The following DPF3 variants were observed in gnomAD, a reference collection of about 807,000 sequenced individuals.
DPF3 encodes double PHD fingers 3, also known as zinc finger protein DPF3.
In DPF3, 18 loss-of-function variants were observed where a neutral mutation model predicts 56.8. The observed-to-expected ratio is 0.32, with a 90% CI of 0.22 to 0.47. DPF3 has a LOEUF of 0.47. DPF3 is among the 20% of genes least tolerant of loss of function. DPF3 has a pLI of 1.00. For synonymous variants in DPF3, 188 were observed against 180.2 expected, an observed-to-expected ratio of 1.04 and a Z score of -0.35; for missense variants, 403 against 488.8, an observed-to-expected ratio of 0.82 and a Z score of 1.65.
In DPF3 at chr14:72,610,794, G is replaced by C. The variant is rs557290215; in HGVS notation, c.*8503C>G. On this transcript the variant is annotated 3_prime_UTR_variant, in exon 11 of 11. Transcript: ENST00000556509. ...TCATCCCTCAAGGAGCTGGGGACCT[G>C]AGGGCTCAGGGCCCACCACTGGCTG... Among the ~76,000 whole-genome samples the C allele has an allele frequency of 2.0e-5, 3 of 152,308 alleles. No individual in the cohort carries two copies. In the South Asian group the frequency reaches 6.2e-4, roughly 32 times the overall value.
chr14:72,840,632 T>TA (rs1884507464), intron 1 of DPF3, among the ~76,000 whole-genome samples: 1 of 152,246 alleles, frequency 6.6e-6, no homozygotes, highest in African/African-American at 2.4e-5. Context: ...CCTCTTTTTT[T>TA]ATTCTACCAT....
chr14:72,758,419 G>T (rs773420188), intron 2 of DPF3, among the ~76,000 whole-genome samples: 1 of 152,176 alleles, frequency 6.6e-6, no homozygotes, highest in African/African-American at 2.4e-5. Context: ...CCACGTTTGA[G>T]TTGAAGAGAA....
At chr14:72,799,137 C>T (rs1302251504) in intron 1 of DPF3, among the ~76,000 whole-genome samples, 9 of 152,172 alleles carry the variant, frequency 5.9e-5, no homozygotes, top group East Asian at 1.9e-4. Context: ...TGGCCGTGCT[C>T]AGGGCTCTGG....
chr14:72,714,399 A>G (rs1054839160), intron 6 of DPF3, 24 bp downstream of exon 6: 4 of 1,612,172 alleles, frequency 2.5e-6, no homozygotes. Flanking sequence ...GGGAGGAAGG[A>G]AGGTGGGACC....
At chr14:72,789,341 C>T (rs1892335952) in intron 1 of DPF3, among the ~76,000 whole-genome samples, 1 of 152,180 alleles carries the variant, frequency 6.6e-6, no homozygotes, top group Admixed American at 6.5e-5. Context: ...CAGCTTCAGT[C>T]ACAGGCCCAC....
chr14:72,893,976 G>A, intron 1 of DPF3, 81 bp downstream of exon 1: 2 of 1,555,580 alleles, frequency 1.3e-6, no homozygotes, highest in East Asian at 2.3e-5. Flanking sequence ...GCAATGCTCT[G>A]GCAGCGCTCG....
At chr14:72,790,661 T>C (rs1490530843) in intron 1 of DPF3, among the ~76,000 whole-genome samples, 1 of 152,050 alleles carries the variant, frequency 6.6e-6, no homozygotes, top group African/African-American at 2.4e-5. Context: ...CATACAGAAA[T>C]AGGGTAAGAC....
intron 2 of DPF3, among the ~76,000 whole-genome samples, chr14:72,758,486 A>G (rs187079818): frequency 1.3e-4 from 20 of 152,330 alleles, no homozygotes; most frequent in African/African-American, 4.8e-4. Flanking sequence ...TGAAGGGTAA[A>G]CAAAAGAGAG....
At chr14:72,686,571 C>A (rs143717395) in intron 7 of DPF3, among the ~76,000 whole-genome samples, 28 of 152,182 alleles carry the variant, frequency 1.8e-4, no homozygotes, top group Non-Finnish European at 2.5e-4. Context: ...ATGTAGATGA[C>A]CTTTGAGGCC....
chr14:72,768,994 T>C (rs1222680023), intron 2 of DPF3, among the ~76,000 whole-genome samples: 1 of 151,294 alleles, frequency 6.6e-6, no homozygotes, highest in African/African-American at 2.4e-5. Context: ...AATAAGTAAT[T>C]ACATCAATAT....
chr14:72,637,402 C>A (rs1004584651), intron 8 of DPF3, among the ~76,000 whole-genome samples: 3 of 152,272 alleles, frequency 2.0e-5, no homozygotes, highest in East Asian at 1.9e-4. Flanking sequence ...TAGTAATGAC[C>A]CCAAAGCCCC....
intron 1 of DPF3, chr14:72,879,823 C>G: frequency 6.5e-7 from 1 of 1,535,592 alleles, no homozygotes. Flanking sequence ...CATGGGCCTC[C>G]AGGGCATCCA....
chr14:72,636,478 C>T (rs1885386472), intron 8 of DPF3, among the ~76,000 whole-genome samples: 1 of 152,148 alleles, frequency 6.6e-6, no homozygotes, highest in African/African-American at 2.4e-5. Context: ...TCTCTCTCTG[C>T]CCCATTCCCT....
At chr14:72,685,223 C>A (rs1887358521) in intron 7 of DPF3, among the ~76,000 whole-genome samples, 1 of 152,200 alleles carries the variant, frequency 6.6e-6, no homozygotes, top group Non-Finnish European at 1.5e-5. Flanking sequence ...ATCGGTAGGA[C>A]CATGACAAAG....
intron 8 of DPF3, among the ~76,000 whole-genome samples, chr14:72,649,928 C>G (rs950272399): frequency 9.9e-5 from 15 of 152,186 alleles, no homozygotes; most frequent in African/African-American, 3.4e-4. Context: ...CTACACCGCT[C>G]GGCCACAGGA....
chr14:72,780,686 G>T (rs78071057), intron 1 of DPF3, among the ~76,000 whole-genome samples: 3 of 152,136 alleles, frequency 2.0e-5, no homozygotes, highest in South Asian at 2.1e-4. Context: ...TTAAAAAAAG[G>T]TCACTTCAGC....
intron 2 of DPF3, among the ~76,000 whole-genome samples, chr14:72,765,305 T>C (rs868288659): frequency 6.6e-5 from 10 of 152,190 alleles, no homozygotes; most frequent in African/African-American, 2.4e-4. Flanking sequence ...CTGGAGTCAA[T>C]GTAAAATGGT....
intron 5 of DPF3, among the ~76,000 whole-genome samples, chr14:72,720,947 A>G (rs1309110580): frequency 6.6e-6 from 1 of 152,142 alleles, no homozygotes; most frequent in East Asian, 1.9e-4. Context: ...TATATCCAAA[A>G]TATGATAGTT....
At chr14:72,679,383 C>G (rs1253227744) in intron 7 of DPF3, 1 of 152,484 alleles carries the variant, frequency 6.6e-6, no homozygotes, top group African/African-American at 2.4e-5. Flanking sequence ...TGAGCAGACG[C>G]TCTGACCACC....
Sources: gnomAD v4.1 joint callset for allele counts (sites outside exome capture counted in the v4.1 genomes callset) on GRCh38, gnomAD v4.1.1 for gene constraint, MANE v1.5 for transcripts, NCBI Gene and HGNC (gene_info 2026-07-23, HGNC 2026-07-21) for gene names.